TAS2R1: variants seen among roughly 807,000 people sequenced by gnomAD.
TAS2R1 encodes the protein taste receptor type 2 member 1.
For synonymous variants in TAS2R1, 141 were observed against 134.2 expected (o/e 1.05, Z -0.35); for missense variants, 370 against 353.4 (o/e 1.05, Z -0.38).
the TAS2R1 span, among the ~76,000 whole-genome samples, chr5:9,781,634 C>T: frequency 6.6e-6 from 1 of 152,244 alleles, no homozygotes; most frequent in Non-Finnish European, 1.5e-5. Context: ...GTAAACCACT[C>T]TGACAACACT....
At chr5:9,873,925 A>G in the TAS2R1 span, among the ~76,000 whole-genome samples, 1 of 137,616 alleles carries the variant, frequency 7.3e-6, no homozygotes, top group East Asian at 2.5e-4. Flanking sequence ...AGAAAAGAAA[A>G]GGGGAGGGTA....
chr5:9,636,886 G>C (rs915267896), intron 2 of TAS2R1, among the ~76,000 whole-genome samples: 4 of 151,948 alleles, frequency 2.6e-5, no homozygotes, highest in African/African-American at 7.3e-5. Flanking sequence ...TGCCATTCTG[G>C]GTCTTTTAAG....
chr5:9,784,566 C>T, the TAS2R1 span, among the ~76,000 whole-genome samples: 1 of 152,190 alleles, frequency 6.6e-6, no homozygotes, highest in Non-Finnish European at 1.5e-5. Flanking sequence ...ATCGTCAAAC[C>T]GCCAGCCTGC....
the TAS2R1 span, among the ~76,000 whole-genome samples, chr5:9,821,432 T>C: frequency 4.6e-5 from 7 of 152,240 alleles, no homozygotes; most frequent in African/African-American, 1.4e-4. Context: ...AGCTCTTTGA[T>C]GAATCTTGTG....
chr5:9,829,253 A>G, the TAS2R1 span, among the ~76,000 whole-genome samples: 3 of 152,212 alleles, frequency 2.0e-5, no homozygotes, highest in African/African-American at 7.2e-5. Context: ...AAGGCATTTA[A>G]ATTTAAACCT....
the TAS2R1 span, among the ~76,000 whole-genome samples, chr5:9,783,215 G>A: frequency 6.6e-6 from 1 of 152,112 alleles, no homozygotes; most frequent in Non-Finnish European, 1.5e-5. Context: ...TTACAACATT[G>A]TCTCTCTCCT....
chr5:9,701,838 C>G (rs990403884), intron 1 of TAS2R1, among the ~76,000 whole-genome samples: 138 of 152,184 alleles, frequency 9.1e-4, no homozygotes, highest in African/African-American at 3.0e-3. Context: ...ATATTGTTAC[C>G]ATTTATAACC....
intron 2 of TAS2R1, among the ~76,000 whole-genome samples, chr5:9,650,927 T>C (rs1369361970): frequency 1.3e-5 from 2 of 152,164 alleles, no homozygotes; most frequent in African/African-American, 2.4e-5. Context: ...AATGTATAAT[T>C]AAATGTTTAA....
chr5:9,750,069 T>C, the TAS2R1 span, among the ~76,000 whole-genome samples: 1 of 152,212 alleles, frequency 6.6e-6, no homozygotes, highest in Non-Finnish European at 1.5e-5. Flanking sequence ...TGGCTTCTCA[T>C]TCGATTTGAC....
At chr5:9,640,513 A>AC (rs1740057503) in intron 2 of TAS2R1, among the ~76,000 whole-genome samples, 2 of 150,388 alleles carry the variant, frequency 1.3e-5, no homozygotes, top group African/African-American at 4.9e-5. Flanking sequence ...AAAAAAAAAA[A>AC]AAAAAAAAAC....
At chr5:9,858,075 C>T in the TAS2R1 span, among the ~76,000 whole-genome samples, 1 of 152,070 alleles carries the variant, frequency 6.6e-6, no homozygotes, top group African/African-American at 2.4e-5. Context: ...TGGGGCTACC[C>T]TGGCCCTAGG....
At chr5:9,897,888 A>T in the TAS2R1 span, among the ~76,000 whole-genome samples, 11 of 152,192 alleles carry the variant, frequency 7.2e-5, no homozygotes. Context: ...TTTTAGATTG[A>T]TATATAAACA....
chr5:9,845,841 G>T, the TAS2R1 span, among the ~76,000 whole-genome samples: 1 of 152,140 alleles, frequency 6.6e-6, no homozygotes, highest in African/African-American at 2.4e-5. Context: ...TGATAATGTA[G>T]TCAAGAATAT....
At chr5:9,820,126 C>T in the TAS2R1 span, among the ~76,000 whole-genome samples, 7 of 152,184 alleles carry the variant, frequency 4.6e-5, no homozygotes, top group East Asian at 1.4e-3. Flanking sequence ...CAAACAGCCC[C>T]TTCTTTTAAA....
chr5:9,638,292 C>T (rs1740002183), intron 2 of TAS2R1, among the ~76,000 whole-genome samples: 1 of 152,108 alleles, frequency 6.6e-6, no homozygotes, highest in Non-Finnish European at 1.5e-5. Context: ...CTTCAGGTCT[C>T]CCAGACATGG....
the TAS2R1 span, among the ~76,000 whole-genome samples, chr5:9,872,898 T>G: frequency 6.6e-6 from 1 of 152,244 alleles, no homozygotes; most frequent in African/African-American, 2.4e-5. Flanking sequence ...AATTTTTCCA[T>G]TAATTACATT....
At chr5:9,807,432 G>A in the TAS2R1 span, among the ~76,000 whole-genome samples, 10 of 152,068 alleles carry the variant, frequency 6.6e-5, no homozygotes, top group African/African-American at 1.2e-4. Context: ...GTCATTGTAC[G>A]AAAAAGATAC....
chr5:9,660,258 A>C (rs998684559), intron 1 of TAS2R1, among the ~76,000 whole-genome samples: 54 of 77,114 alleles, frequency 7.0e-4, no homozygotes, highest in Non-Finnish European at 1.1e-3. Flanking sequence ...TTGTATTTTT[A>C]GTAGAGACGG....
At chr5:9,849,615 C>A in the TAS2R1 span, among the ~76,000 whole-genome samples, 1 of 152,172 alleles carries the variant, frequency 6.6e-6, no homozygotes, top group Non-Finnish European at 1.5e-5. Flanking sequence ...TCCCAGACTT[C>A]CATAGGAATT....
Sources: allele counts gnomAD v4.1 joint callset (sites outside exome capture counted in the v4.1 genomes callset), GRCh38; gene constraint gnomAD v4.1.1; transcripts MANE v1.5; gene names NCBI Gene and HGNC (gene_info 2026-07-23, HGNC 2026-07-21).